The following LDLRAD3 variants were observed in gnomAD, a reference collection of about 807,000 sequenced individuals.
The protein encoded by LDLRAD3 is low-density lipoprotein receptor class A domain-containing protein 3.
A neutral mutation model predicts 29.4 loss-of-function variants in LDLRAD3; 20 were observed. The observed-to-expected ratio is 0.68, with a 90% CI of 0.48 to 0.99. The LOEUF is 0.99. LDLRAD3 is among the 50% of genes least tolerant of loss of function. LDLRAD3 has a pLI of 0.00. For synonymous variants in LDLRAD3, 157 were observed against 192.7 expected (o/e 0.81, Z 1.53); for missense variants, 420 against 454.3 (o/e 0.92, Z 0.69).
intron 4 of LDLRAD3, among the ~76,000 whole-genome samples, chr11:36,135,683 G>A (rs1258649820): frequency 6.6e-6 from 1 of 152,186 alleles, no homozygotes; most frequent in Non-Finnish European, 1.5e-5. Flanking sequence ...GCCGAGGCGG[G>A]CGGATCACTT....
At chr11:36,225,896 A>G (rs1405511743) in intron 4 of LDLRAD3, among the ~76,000 whole-genome samples, 1 of 151,798 alleles carries the variant, frequency 6.6e-6, no homozygotes, top group African/African-American at 2.4e-5. Context: ...CATGGTTGAA[A>G]CCCCATCTCT....
chr11:36,070,226 C>G (rs112137253), intron 2 of LDLRAD3, among the ~76,000 whole-genome samples: 2,588 of 152,314 alleles, frequency 0.017, 45 homozygotes, highest in African/African-American at 0.042. Context: ...TCTTTATTGC[C>G]TCTTTAATCC....
chr11:36,160,289 C>T (rs1436283074), intron 4 of LDLRAD3, among the ~76,000 whole-genome samples: 4 of 152,258 alleles, frequency 2.6e-5, no homozygotes, highest in South Asian at 2.1e-4. Context: ...CCTCGAGGGA[C>T]GTGGCCCAGT....
chr11:36,213,419 C>T lies in LDLRAD3; in HGVS notation c.455-13666C>T, dbSNP rs1376087893. ...CCCTTTAAATTAAACTTTTTCAATC[C>T]GCATCTAAATTGGGATGGGTGATGT... On this transcript the variant is annotated intron_variant, in intron 4 of 5. Transcript: ENST00000315571. The surrounding 1 kb of genome is among the most constrained non-coding windows in gnomAD (Gnocchi z 4.1). Among the ~76,000 whole-genome samples, 6 of 152,182 alleles carry T rather than the reference C, an allele frequency of 3.9e-5. No individual in the cohort carries two copies. The highest frequency in any genetic ancestry group is 1.3e-4 in the Admixed American group (2 of 15,274).
intron 1 of LDLRAD3, among the ~76,000 whole-genome samples, chr11:35,966,598 A>T (rs147856196): frequency 1.3e-5 from 2 of 152,336 alleles, no homozygotes; most frequent in Non-Finnish European, 2.9e-5. Context: ...CAAGAGGGAC[A>T]GGGCAAGTAG....
chr11:35,988,604 G>C (rs1467785277), intron 1 of LDLRAD3, among the ~76,000 whole-genome samples: 1 of 148,186 alleles, frequency 6.7e-6, no homozygotes, highest in South Asian at 2.1e-4. Flanking sequence ...TTGTTTTTGA[G>C]TTGGAGTCTT....
chr11:36,078,522 C>T (rs1373053636), intron 2 of LDLRAD3, among the ~76,000 whole-genome samples: 1 of 152,222 alleles, frequency 6.6e-6, no homozygotes, highest in Non-Finnish European at 1.5e-5. Flanking sequence ...CAACTTTGCT[C>T]CATGATCTGA....
chr11:36,188,927 GTGGCGCAACTGAATCATCTAA>G (rs1289741855), intron 4 of LDLRAD3, among the ~76,000 whole-genome samples: 1 of 151,452 alleles, frequency 6.6e-6, no homozygotes, highest in Non-Finnish European at 1.5e-5. Flanking sequence ...TGTCAATGAA[GTGGCGCAACTGAATCATCTAA>G]TGGTGAAGCC....
chr11:36,093,955 A>T (rs1853321136), intron 3 of LDLRAD3, among the ~76,000 whole-genome samples: 1 of 152,206 alleles, frequency 6.6e-6, no homozygotes, highest in Admixed American at 6.5e-5. Context: ...GTGACAATGT[A>T]GAAAACCAAT....
intron 4 of LDLRAD3, among the ~76,000 whole-genome samples, chr11:36,180,971 G>T (rs1427568101): frequency 3.3e-5 from 5 of 152,116 alleles, no homozygotes; most frequent in Admixed American, 6.5e-5. Flanking sequence ...TGGGGCAGGG[G>T]CACACATTGC....
chr11:35,979,747 A>G (rs1377621532), intron 1 of LDLRAD3, among the ~76,000 whole-genome samples: 1 of 152,136 alleles, frequency 6.6e-6, no homozygotes, highest in African/African-American at 2.4e-5. Context: ...AGATATACTG[A>G]GCCTTGTTGC....
intron 2 of LDLRAD3, among the ~76,000 whole-genome samples, chr11:36,072,587 A>G (rs572165445): frequency 1.4e-4 from 21 of 152,304 alleles, no homozygotes; most frequent in South Asian, 1.2e-3. Context: ...GTATGGCTCT[A>G]GGGTACCCTG....
At chr11:36,145,008 C>T (rs1209432204) in intron 4 of LDLRAD3, among the ~76,000 whole-genome samples, 13 of 113,138 alleles carry the variant, frequency 1.1e-4, no homozygotes, top group East Asian at 3.7e-4. Context: ...CCCTGCCAGC[C>T]GCCCCGTCCG....
chr11:36,036,249 C>A lies in LDLRAD3; in HGVS notation c.193C>A (p.Pro65Thr). The A allele has an allele frequency of 6.2e-7, 1 of 1,613,930 alleles. No homozygotes were observed. Among genetic ancestry groups the A allele is most frequent in the Non-Finnish European group, 8.5e-7 (1 of 1,179,968 alleles). Residue 65 changes from proline to threonine, a missense_variant and splice_region_variant, in exon 2 of 6, where the codon CCC (proline) becomes ACC (threonine). Pro to Thr is a conservative substitution (Grantham distance 38, BLOSUM62 -1). Transcript: ENST00000315571. ...CGACAAGAGTGATGAGAAGGAGTGC[C>A]GTGAGTGGCCTGGCCCTTTGCTGGG... ...CFDKSDEKEC[P>T]KAKSKCGPTF...
chr11:36,007,864 C>T (rs577796462), intron 1 of LDLRAD3, among the ~76,000 whole-genome samples: 14 of 152,218 alleles, frequency 9.2e-5, no homozygotes, highest in Admixed American at 2.0e-4. Flanking sequence ...TGCTGGGAAG[C>T]GGGTGTGAGA....
intron 2 of LDLRAD3, among the ~76,000 whole-genome samples, chr11:36,059,532 C>T (rs1852667864): frequency 6.6e-6 from 1 of 151,990 alleles, no homozygotes; most frequent in Admixed American, 6.5e-5. Flanking sequence ...TGCTTCAGCC[C>T]CACTCCACAA....
intron 1 of LDLRAD3, among the ~76,000 whole-genome samples, chr11:36,010,992 G>A (rs2475849): frequency 0.96 from 146,671 of 152,078 alleles, 70,968 homozygotes; most frequent in East Asian, 1. Context: ...TTTAGTAGAG[G>A]TGGGGTTTCT....
At chr11:36,084,618 A>AT (rs1010271680) in intron 3 of LDLRAD3, among the ~76,000 whole-genome samples, 2 of 152,214 alleles carry the variant, frequency 1.3e-5, no homozygotes, top group East Asian at 3.8e-4. Flanking sequence ...TTAAAAGGTT[A>AT]TTTTTTATTG....
Position 36,166,655 on chromosome 11 carries a change from A to G in LDLRAD3, c.455-60430A>G, listed in dbSNP as rs139988415. Among the ~76,000 whole-genome samples the G allele has an allele frequency of 4.7e-4, 71 of 152,344 alleles. No individual in the cohort carries two copies. The East Asian group carries it at 0.013, about 27-fold the overall frequency. On this transcript the variant is annotated intron_variant, in intron 4 of 5. Coordinates refer to ENST00000315571, the MANE Select transcript of LDLRAD3 (RefSeq NM_174902.4). ...CTCTTTGACCCTTTACTTTAGAGCTATCTGACTTTTACAATGTCTAGACTT... is the reference window on the plus strand; with the variant it reads ...CTCTTTGACCCTTTACTTTAGAGCTGTCTGACTTTTACAATGTCTAGACTT...
Sources: allele counts gnomAD v4.1 joint callset (sites outside exome capture counted in the v4.1 genomes callset), GRCh38; gene constraint gnomAD v4.1.1; non-coding constraint Gnocchi (gnomAD v3.1); transcripts MANE v1.5; gene names NCBI Gene and HGNC (gene_info 2026-07-23, HGNC 2026-07-21).